GRIA4: variants seen among roughly 807,000 people sequenced by gnomAD.
GRIA4 encodes the protein glutamate receptor 4.
GRIA4 carries 34 observed loss-of-function variants against 104.0 expected under a neutral mutation model. That is an observed-to-expected ratio of 0.33 (90% confidence interval 0.25 to 0.44). The LOEUF is 0.44. Ranked by LOEUF, GRIA4 falls within the 20% of genes least tolerant of loss-of-function variation. The pLI is 1.00. For missense variants in GRIA4, 750 were observed against 1,096.5 expected, an observed-to-expected ratio of 0.68 and a Z score of 4.46; for synonymous variants, 386 against 381.9, an observed-to-expected ratio of 1.01 and a Z score of -0.13.
chr11:105,781,640 G>T (rs187472472), intron 4 of GRIA4, among the ~76,000 whole-genome samples: 1 of 152,058 alleles, frequency 6.6e-6, no homozygotes, highest in Non-Finnish European at 1.5e-5. Flanking sequence ...TACCTCATTG[G>T]TATTCGTTCA....
In GRIA4 at chr11:105,679,762, T is replaced by C. The variant is rs184146070; in HGVS notation, c.247+67328T>C. ...TAAGGAAGAACTGCTCATGACATAATTGTAGTTCGTATTTATAACAACCTT... is the reference window on the plus strand; with the variant it reads ...TAAGGAAGAACTGCTCATGACATAACTGTAGTTCGTATTTATAACAACCTT... On this transcript the variant is annotated intron_variant, in intron 3 of 16. Transcript: ENST00000282499. Among the ~76,000 whole-genome samples the C allele has an allele frequency of 8.5e-5, 13 of 152,254 alleles. No individual in the cohort carries two copies. In the East Asian group the frequency reaches 2.3e-3, roughly 27 times the overall value.
intron 3 of GRIA4, among the ~76,000 whole-genome samples, chr11:105,747,939 A>G (rs1939760048): frequency 6.6e-6 from 1 of 152,212 alleles, no homozygotes; most frequent in Non-Finnish European, 1.5e-5. Flanking sequence ...AACAATATTT[A>G]TTAATATACA....
chr11:105,687,444 A>C (rs1354808436), intron 3 of GRIA4, among the ~76,000 whole-genome samples: 4 of 152,212 alleles, frequency 2.6e-5, no homozygotes, highest in Non-Finnish European at 5.9e-5. Flanking sequence ...CTTGAAAGAG[A>C]CAGATGCTGA....
At chr11:105,638,343 A>G (rs888331818) in intron 3 of GRIA4, among the ~76,000 whole-genome samples, 1 of 152,200 alleles carries the variant, frequency 6.6e-6, no homozygotes, top group African/African-American at 2.4e-5. Context: ...TGGAGCATCC[A>G]CAAACAAGGC....
chr11:105,811,424 T>C, intron 4 of GRIA4, among the ~76,000 whole-genome samples: 1 of 152,102 alleles, frequency 6.6e-6, no homozygotes, highest in East Asian at 1.9e-4. Context: ...AAGTCCCAAA[T>C]GTCACATCCC....
chr11:105,709,225 T>C (rs570780116), intron 3 of GRIA4, among the ~76,000 whole-genome samples: 3 of 152,226 alleles, frequency 2.0e-5, no homozygotes, highest in Admixed American at 6.6e-5. Context: ...AATGTGTTAT[T>C]ACCATAAAAT....
chr11:105,937,307 TCTA>T (rs566581479), intron 14 of GRIA4, among the ~76,000 whole-genome samples: 1 of 152,182 alleles, frequency 6.6e-6, no homozygotes, highest in Non-Finnish European at 1.5e-5. Flanking sequence ...AATATAGACA[TCTA>T]CTATACTATA....
chr11:105,905,366 G>T, intron 9 of GRIA4, 65 bp downstream of exon 9: 1 of 880,898 alleles, frequency 1.1e-6, no homozygotes, highest in Non-Finnish European at 1.9e-6. Context: ...ACATTTTAAA[G>T]GTGTACAGAA....
chr11:105,779,272 G>A (rs941180051), intron 4 of GRIA4, among the ~76,000 whole-genome samples: 3 of 152,010 alleles, frequency 2.0e-5, no homozygotes, highest in Non-Finnish European at 4.4e-5. Context: ...ACAAACCACT[G>A]CTCAATGAAA....
intron 14 of GRIA4, among the ~76,000 whole-genome samples, chr11:105,960,773 C>T (rs1274134571): frequency 6.6e-6 from 1 of 152,208 alleles, no homozygotes; most frequent in Non-Finnish European, 1.5e-5. Flanking sequence ...GCGAGTGGGA[C>T]CTTCCCATCT....
chr11:105,865,391 A>T (rs2136031490), intron 5 of GRIA4, among the ~76,000 whole-genome samples: 1 of 152,350 alleles, frequency 6.6e-6, no homozygotes, highest in Middle Eastern at 3.4e-3. Flanking sequence ...CCTTGAAAAG[A>T]AATCTAAAAT....
chr11:105,742,216 G>C (rs1939356701), intron 3 of GRIA4, among the ~76,000 whole-genome samples: 1 of 152,042 alleles, frequency 6.6e-6, no homozygotes, highest in Non-Finnish European at 1.5e-5. Flanking sequence ...TTTGAAACTT[G>C]AACTACTTTC....
At chr11:105,872,076 A>G (rs1290188002) in intron 5 of GRIA4, among the ~76,000 whole-genome samples, 1 of 152,120 alleles carries the variant, frequency 6.6e-6, no homozygotes, top group East Asian at 1.9e-4. Context: ...ACAGAACTGC[A>G]TACCCTAGCT....
chr11:105,660,070 CA>C lies in GRIA4; in HGVS notation c.247+47637del, dbSNP rs1951960911. 4.6e-5 allele frequency among the ~76,000 whole-genome samples: 7 copies of C among 151,546 alleles called. No homozygotes were observed. In the Admixed American group the frequency reaches 4.6e-4, roughly 10 times the overall value. ...AAAAACCGTTAAACAAAAGAGGAGTCAGAGAGAATCAATTCAGGAGTTCTAA... is the reference window on the plus strand; with the variant it reads ...AAAAACCGTTAAACAAAAGAGGAGTCGAGAGAATCAATTCAGGAGTTCTAA... On this transcript the variant is annotated intron_variant, in intron 3 of 16. Coordinates refer to ENST00000282499, the MANE Select transcript of GRIA4 (RefSeq NM_000829.4).
intron 4 of GRIA4, among the ~76,000 whole-genome samples, chr11:105,784,464 A>T (rs957374727): frequency 6.6e-6 from 1 of 152,330 alleles, no homozygotes; most frequent in African/African-American, 2.4e-5. Context: ...TTTCATTATT[A>T]TAACTGCCGT....
intron 3 of GRIA4, among the ~76,000 whole-genome samples, chr11:105,688,136 ATCTATATCTATATCTATATC>A (rs1489829846): frequency 1.2e-3 from 91 of 77,498 alleles, no homozygotes; most frequent in African/African-American, 3.4e-3. Context: ...CTATATCTAT[ATCTATATCTATATCTATATC>A]TCTATCTATC....
chr11:105,767,831 C>A (rs920529893), intron 4 of GRIA4, among the ~76,000 whole-genome samples: 1 of 152,094 alleles, frequency 6.6e-6, no homozygotes, highest in Non-Finnish European at 1.5e-5. Context: ...CAGGGAGTGG[C>A]AGTTCCAGGC....
Position 105,934,716 on chromosome 11 carries a change from G to A in GRIA4, c.2294+747G>A, listed in dbSNP as rs572151519. Among the ~76,000 whole-genome samples, 5 of 152,218 alleles carry A rather than the reference G, an allele frequency of 3.3e-5. No individual in the cohort carries two copies. The South Asian group carries it at 6.2e-4, about 19-fold the overall frequency. ...GACTTTCATTCTTATGGAAATATTG[G>A]TTAAATCTGCCCTTTTCATCCTTTT... On this transcript the variant is annotated intron_variant, in intron 14 of 16. Transcript: ENST00000282499.
At chr11:105,745,186 G>A (rs569566686) in intron 3 of GRIA4, among the ~76,000 whole-genome samples, 32 of 151,932 alleles carry the variant, frequency 2.1e-4, no homozygotes, top group Non-Finnish European at 4.0e-4. Flanking sequence ...TAATAATAAC[G>A]ATATTAATAA....
Sources: gnomAD v4.1 joint callset for allele counts (sites outside exome capture counted in the v4.1 genomes callset) on GRCh38, gnomAD v4.1.1 for gene constraint, MANE v1.5 for transcripts, NCBI Gene and HGNC (gene_info 2026-07-23, HGNC 2026-07-21) for gene names.